Variants in DGKB observed in about 807,000 individuals in gnomAD.
DGKB encodes the protein diacylglycerol kinase beta, also known as 90 kDa diacylglycerol kinase.
A neutral mutation model predicts 114.3 loss-of-function variants in DGKB; 67 were observed. The ratio of observed to expected loss-of-function variants is 0.59; its 90% confidence interval spans 0.48 to 0.72. The LOEUF (loss-of-function observed/expected upper bound fraction) is 0.72, where lower values mean the gene tolerates loss of function less well. Ranked by LOEUF, DGKB falls within the 30% of genes least tolerant of loss-of-function variation. The pLI is 0.00. For missense variants in DGKB, 907 were observed against 975.2 expected (o/e 0.93, Z 0.93); for synonymous variants, 398 against 323.1 (o/e 1.23, Z -2.49).
chr7:14,597,070 G>C (rs1288218271), intron 17 of DGKB, among the ~76,000 whole-genome samples: 1 of 152,054 alleles, frequency 6.6e-6, no homozygotes, highest in Non-Finnish European at 1.5e-5. Context: ...ATACTGGTCA[G>C]AGACCATAAT....
chr7:14,970,213 T>C (rs926024457), intron 1 of DGKB, among the ~76,000 whole-genome samples: 1 of 152,172 alleles, frequency 6.6e-6, no homozygotes, highest in African/African-American at 2.4e-5. Flanking sequence ...CCAATGATGA[T>C]AATGACGATG....
chr7:14,670,016 A>C (rs1311989560), intron 13 of DGKB, among the ~76,000 whole-genome samples: 1 of 152,008 alleles, frequency 6.6e-6, no homozygotes, highest in South Asian at 2.1e-4. Context: ...CCACTGTTCT[A>C]TGTCTAGTGG....
At chr7:14,537,488 T>C (rs1030603415) in intron 20 of DGKB, among the ~76,000 whole-genome samples, 1 of 152,098 alleles carries the variant, frequency 6.6e-6, no homozygotes, top group Non-Finnish European at 1.5e-5. Context: ...GCCACAAATA[T>C]ACAGTCAACT....
chr7:14,447,440 A>C lies in DGKB; in HGVS notation c.1835+30721T>G, dbSNP rs566901184. Among the ~76,000 whole-genome samples the C allele has an allele frequency of 3.9e-5, 6 of 152,248 alleles. 1 individual carries two copies. The East Asian group carries it at 1.2e-3, about 29-fold the overall frequency. On this transcript the variant is annotated intron_variant, in intron 21 of 25. Transcript: ENST00000402815. ...CACATGTGGATCAGGAATAGGGTAC[A>C]TTAATTTATTGATATGGGTCTGAAA... is the stretch of plus-strand genomic sequence containing the variant.
At chr7:14,188,982 G>A (rs1783899820) in intron 23 of DGKB, among the ~76,000 whole-genome samples, 1 of 152,050 alleles carries the variant, frequency 6.6e-6, no homozygotes, top group African/African-American at 2.4e-5. Context: ...TTGCAGATAA[G>A]AAAAAGCTAA....
chr7:14,619,550 A>G (rs145760379), intron 15 of DGKB, among the ~76,000 whole-genome samples: 527 of 151,764 alleles, frequency 3.5e-3, no homozygotes, highest in Non-Finnish European at 6.1e-3. Context: ...GCATACATAA[A>G]TTGTATCTCA....
chr7:14,375,802 C>T (rs1055586892), intron 21 of DGKB, among the ~76,000 whole-genome samples: 2 of 152,190 alleles, frequency 1.3e-5, no homozygotes, highest in Non-Finnish European at 1.5e-5. Context: ...TCTTCGAGGG[C>T]AGTGATTTTC....
At chr7:14,579,390 A>G (rs936468251) in intron 19 of DGKB, among the ~76,000 whole-genome samples, 1 of 152,178 alleles carries the variant, frequency 6.6e-6, no homozygotes, top group African/African-American at 2.4e-5. Context: ...CCAAATATGG[A>G]CTTCTTTAAC....
chr7:14,858,024 C>T (rs1850436431), intron 1 of DGKB, among the ~76,000 whole-genome samples: 3 of 152,028 alleles, frequency 2.0e-5, no homozygotes, highest in Admixed American at 6.6e-5. Flanking sequence ...TAGTTCTCAG[C>T]CATTATTAAG....
chr7:14,687,769 A>T (rs1821978351), intron 9 of DGKB, among the ~76,000 whole-genome samples: 1 of 152,154 alleles, frequency 6.6e-6, no homozygotes, highest in South Asian at 2.1e-4. Flanking sequence ...TTTTTAAATG[A>T]TTGTCCATTA....
At chr7:14,863,748 T>C (rs892696909) in intron 1 of DGKB, among the ~76,000 whole-genome samples, 2 of 152,112 alleles carry the variant, frequency 1.3e-5, no homozygotes, top group Non-Finnish European at 2.9e-5. Flanking sequence ...CAACTTTTCA[T>C]GTTTTTTGTG....
At chr7:14,387,558 C>T (rs964760634) in intron 21 of DGKB, among the ~76,000 whole-genome samples, 1 of 151,994 alleles carries the variant, frequency 6.6e-6, no homozygotes, top group African/African-American at 2.4e-5. Context: ...GACTATAGGT[C>T]TGTGCCAACA....
At chr7:14,375,285 A>G (rs1032910890) in intron 21 of DGKB, among the ~76,000 whole-genome samples, 3 of 152,216 alleles carry the variant, frequency 2.0e-5, no homozygotes, top group Non-Finnish European at 4.4e-5. Context: ...TTTCTCTTTT[A>G]GATATGTCAT....
chr7:14,320,165 G>A (rs1041683420), intron 23 of DGKB, among the ~76,000 whole-genome samples: 3 of 152,124 alleles, frequency 2.0e-5, no homozygotes, highest in Non-Finnish European at 4.4e-5. Context: ...GGGGAGGCGG[G>A]GGTCCAGCAG....
intron 23 of DGKB, among the ~76,000 whole-genome samples, chr7:14,202,568 G>T (rs1368125476): frequency 6.6e-6 from 1 of 151,872 alleles, no homozygotes; most frequent in East Asian, 1.9e-4. Flanking sequence ...AAATCAATTT[G>T]CTACATTTTT....
chr7:14,695,628 T>A (rs186318487), intron 8 of DGKB, among the ~76,000 whole-genome samples: 3 of 150,466 alleles, frequency 2.0e-5, no homozygotes, highest in Non-Finnish European at 1.5e-5. Flanking sequence ...GCCTCCCGAG[T>A]AGCTGGGACT....
rs1249953172 is a variant in DGKB, at chr7:14,718,591, G to A, written c.417C>T (p.Val139=). The A allele has an allele frequency of 6.2e-7, 1 of 1,613,016 alleles. No homozygotes were observed. Among genetic ancestry groups the A allele is most frequent in the Non-Finnish European group, 8.5e-7 (1 of 1,179,414 alleles). ...SPEVIHLKDI[V]CYLSLLERGR... ...CTCTTTCAAGCAGAGACAGGTAACA[G>A]ACAATGTCCTTCAGATGGATTACTT... Residue 139 remains valine, a synonymous_variant, in exon 6 of 26, where the codon GTC becomes GTT. Coordinates refer to ENST00000402815, the MANE Select transcript of DGKB (RefSeq NM_001350709.2).
At chr7:14,197,433 T>C (rs1435145866) in intron 23 of DGKB, among the ~76,000 whole-genome samples, 1 of 152,090 alleles carries the variant, frequency 6.6e-6, no homozygotes, top group Non-Finnish European at 1.5e-5. Flanking sequence ...TTTATCAAAT[T>C]TGATTGCTGC....
At chr7:14,150,855 C>A (rs926781046) in intron 25 of DGKB, among the ~76,000 whole-genome samples, 4 of 152,074 alleles carry the variant, frequency 2.6e-5, no homozygotes, top group African/African-American at 9.7e-5. Context: ...CATCATTCAT[C>A]ATTTATTCAT....
Sources: gnomAD v4.1 joint callset for allele counts (sites outside exome capture counted in the v4.1 genomes callset) on GRCh38, gnomAD v4.1.1 for gene constraint, MANE v1.5 for transcripts, NCBI Gene and HGNC (gene_info 2026-07-23, HGNC 2026-07-21) for gene names.